The following DISP2 variants were observed in gnomAD, a reference collection of about 807,000 sequenced individuals.
DISP2 encodes protein dispatched homolog 2.
Under a neutral mutation model 95.5 loss-of-function variants are expected in DISP2, and 59 were observed. The ratio of observed to expected loss-of-function variants is 0.62; its 90% CI spans 0.50 to 0.77. The LOEUF (loss-of-function observed/expected upper bound fraction) is 0.77, where lower values mean the gene tolerates loss of function less well. DISP2 is among the 30% of genes least tolerant of loss of function. The probability of loss-of-function intolerance (pLI) is 0.00; values close to 1 mark genes in which losing one functional copy is unlikely to be tolerated. For synonymous variants in DISP2, 827 were observed against 815.0 expected (o/e 1.01, Z -0.25); for missense variants, 1,752 against 1,854.6 (o/e 0.94, Z 1.02).
intron 7 of DISP2, among the ~76,000 whole-genome samples, chr15:40,366,242 T>A (rs1311934052): frequency 6.6e-6 from 1 of 152,254 alleles, no homozygotes; most frequent in Non-Finnish European, 1.5e-5. Flanking sequence ...GTCAGATGTC[T>A]GAATTCAAGG....
Position 40,358,332 on chromosome 15 carries a change from A to ACAGCAG in DISP2, c.22_27dup (p.Ser8_Ser9dup), listed in dbSNP as rs770663891. ...GTGCCGCCCACGGGCATGGACGGTG[A>ACAGCAG]CAGCAGCAGCAGCAGCGGCGGCAGC... On this transcript the variant is annotated inframe_insertion, in exon 1 of 8. Transcript: ENST00000267889. 7 of 1,385,858 alleles carry ACAGCAG rather than the reference A, an allele frequency of 5.1e-6. No individual in the cohort carries two copies. The highest frequency in any genetic ancestry group is 1.5e-5 in the African/African-American group (1 of 66,730). 85.8% of individuals were successfully genotyped at this position (1,385,858 alleles called of 1,614,324 possible).
At position 40,376,023 on chromosome 15, in the gene DISP2, C is replaced by G. The variant is rs1472823900; in HGVS notation, c.*5705C>G. On this transcript the variant is annotated 3_prime_UTR_variant, in exon 8 of 8. Transcript: ENST00000267889. ...TGAGGAAGTCCTTGAAAGAGCAAAG[C>G]CTGGAGAGCTTCTTTGAGAAAGTTC... The G allele has an allele frequency of 1.3e-5, 2 of 152,142 alleles. No homozygotes were observed. Among genetic ancestry groups the G allele is most frequent in the African/African-American group, 4.8e-5 (2 of 41,426 alleles). 9.4% of individuals were successfully genotyped at this position (152,142 alleles called of 1,614,324 possible).
Position 40,364,251 on chromosome 15 carries a change from A to G in DISP2, c.475A>G (p.Lys159Glu). Residue 159 changes from lysine (K) to glutamate (E), a missense_variant, in exon 3 of 8, where the codon AAG (lysine) becomes GAG (glutamate). Transcript: ENST00000267889. The stretch of plus-strand genomic sequence containing the variant: ...GCAGGAACGAGCCTTCCAGATGCCA[A>G]AGAGGTAGGCCTGGGCCTTCCCTGG... ...VRQERAFQMP[K>E]SYSQLIAEWP... 2 of 1,614,154 alleles carry G rather than the reference A, an allele frequency of 1.2e-6. No homozygotes were observed. Among genetic ancestry groups the G allele is most frequent in the Non-Finnish European group, 1.7e-6 (2 of 1,180,026 alleles).
Position 40,374,014 on chromosome 15 carries a change from A to ATATATATATATATATAT in DISP2, c.*3696_*3697insTATATATATATATATAT, listed in dbSNP as rs1555400588. On this transcript the variant is annotated 3_prime_UTR_variant, in exon 8 of 8. Coordinates refer to ENST00000267889, the MANE Select transcript of DISP2 (RefSeq NM_033510.3). ...GCGAGACTCCATCTTAAAAAAAAAA[A>ATATATATATATATATAT]ATATATATATATATATATGTAAACT... 9.6e-6 allele frequency: 1 copy of ATATATATATATATATAT among 104,196 alleles called. No individual in the cohort carries two copies. The highest frequency in any genetic ancestry group is 4.2e-5 in the African/African-American group (1 of 23,942). 6.5% of individuals were successfully genotyped at this position (104,196 alleles called of 1,614,324 possible). A position where few individuals can be genotyped will look rare whatever the true frequency, so the allele number is the denominator to read the frequency against.
chr15:40,365,475 T>G (rs1238617080), intron 6 of DISP2, among the ~76,000 whole-genome samples, 153 bp from the exon 7 acceptor site: 1 of 152,018 alleles, frequency 6.6e-6, no homozygotes, highest in East Asian at 1.9e-4. Context: ...TGGGTTGGGG[T>G]GAGGCACAGG....
intron 7 of DISP2, 142 bp downstream of exon 7, chr15:40,365,867 C>G: frequency 1.2e-6 from 1 of 809,140 alleles, no homozygotes; most frequent in South Asian, 1.6e-5. Context: ...TATTCCAACC[C>G]TGCTGAGAGG....
Position 40,365,131 on chromosome 15 carries a change from A to G in DISP2, c.720-16A>G, listed in dbSNP as rs1186275271. 7 of 1,612,026 alleles carry G rather than the reference A, an allele frequency of 4.3e-6. No homozygotes were observed. The South Asian group carries it at 6.6e-5, about 15-fold the overall frequency. On this transcript the variant is annotated splice_polypyrimidine_tract_variant and intron_variant, in intron 5 of 7. Transcript: ENST00000267889. ...AACCCTAATGGTGCCTGGCATAGATATTCTCTCCACTTCAGCTCGAGCTCC... is the reference window on the plus strand; with the variant it reads ...AACCCTAATGGTGCCTGGCATAGATGTTCTCTCCACTTCAGCTCGAGCTCC...
Position 40,365,270 on chromosome 15 carries a change from C to G in DISP2, c.843C>G (p.Pro281=), listed in dbSNP as rs1242387951. Residue 281 remains proline, a synonymous_variant, in exon 6 of 8, where the codon CCC becomes CCG. Coordinates refer to ENST00000267889, the MANE Select transcript of DISP2 (RefSeq NM_033510.3). ...DRRQENFFCG[P]PEKSYAKLVF... ...GGCAAGAGAACTTCTTCTGTGGCCCCCCTGGTAAGCTGCAGCCTGGCCAGT... is the reference window on the plus strand; with the variant it reads ...GGCAAGAGAACTTCTTCTGTGGCCCGCCTGGTAAGCTGCAGCCTGGCCAGT... The G allele has an allele frequency of 6.2e-7, 1 of 1,613,534 alleles. No homozygotes were observed. Among genetic ancestry groups the G allele is most frequent in the Non-Finnish European group, 8.5e-7 (1 of 1,179,982 alleles).
rs1297886293 is a variant in DISP2 at position 40,369,010 on chromosome 15, G to A, written c.2898G>A (p.Val966=). ...ACAGCCTGAGCACTGAGCCTGCTGT[G>A]GTGCTGGGCCTGGCTTTGGCGCTGG... is the stretch of plus-strand genomic sequence containing the variant. ...LQHSLSTEPA[V]VLGLALALAF... is the part of the protein sequence containing the mutation. Residue 966 remains valine, a synonymous_variant, in exon 8 of 8, where the codon GTG becomes GTA. Transcript: ENST00000267889. 5 of 1,613,926 alleles carry A rather than the reference G, an allele frequency of 3.1e-6. 1 individual carries two copies. In the East Asian group the frequency reaches 1.1e-4, roughly 36 times the overall value.
rs1889456607 is a variant in DISP2 at position 40,364,238 on chromosome 15, C to T, written c.462C>T (p.Ala154=). Residue 154 remains alanine (A), a synonymous_variant, in exon 3 of 8, where the codon GCC becomes GCT. Transcript: ENST00000267889. ...HHVVSVRQER[A]FQMPKSYSQL... ...TTCTCTTCCACAGGCAGGAACGAGC[C>T]TTCCAGATGCCAAAGAGGTAGGCCT... 1.2e-6 allele frequency: 2 copies of T among 1,614,192 alleles called. No homozygotes were observed. Among genetic ancestry groups the T allele is most frequent in the Non-Finnish European group, 1.7e-6 (2 of 1,180,034 alleles).
rs1889755992 is a variant in DISP2 at position 40,378,179 on chromosome 15, G to A, written c.*7861G>A. On this transcript the variant is annotated 3_prime_UTR_variant, in exon 8 of 8. Transcript: ENST00000267889. Reference sequence around the variant, plus strand: ...AAAATCAGTTGAAACCACTACAGCTGACACCTATGTGAGAATTAGACAAGG... The same window carrying A: ...AAAATCAGTTGAAACCACTACAGCTAACACCTATGTGAGAATTAGACAAGG... 6.6e-6 allele frequency: 1 copy of A among 152,208 alleles called. No individual in the cohort carries two copies. Among genetic ancestry groups the A allele is most frequent in the Non-Finnish European group, 1.5e-5 (1 of 68,034 alleles). The allele number at this position is 152,208 out of a possible 1,614,324, so 9.4% of individuals were successfully genotyped here.
rs766908446 is a variant in DISP2, at chr15:40,368,294, C to T, written c.2182C>T (p.Arg728Trp). 6 of 1,605,622 alleles carry T rather than the reference C, an allele frequency of 3.7e-6. No homozygotes were observed. Among genetic ancestry groups the T allele is most frequent in the South Asian group, 1.1e-5 (1 of 90,762 alleles). Residue 728 changes from arginine (R) to tryptophan (W), a missense_variant, in exon 8 of 8, where the codon CGG becomes TGG. By Grantham distance (101) the Arg-to-Trp change is moderately radical (BLOSUM62 -3). Coordinates refer to ENST00000267889, the MANE Select transcript of DISP2 (RefSeq NM_033510.3). Reference protein sequence around the residue: ...AYIAGVSPRLRLPTLPPPGGQ... With the variant: ...AYIAGVSPRLWLPTLPPPGGQ... ...CATCGCCGGAGTCAGCCCCCGCCTG[C>T]GGCTGCCCACGCTGCCGCCGCCCGG...
At position 40,363,677 on chromosome 15, in the gene DISP2, C is replaced by A; in HGVS notation, c.172C>A (p.Leu58Ile). ...GGCAAGCCCAGAGAGAAGCTGCTCC[C>A]TCCACAGCTGCCCCCTGGAGGACCC... The part of the protein sequence containing the change: ...PEASPERSCS[L>I]HSCPLEDPSS... Residue 58 changes from leucine (L) to isoleucine (I), a missense_variant, in exon 2 of 8, where the codon CTC becomes ATC. This residue lies in a region of DISP2 where 342 missense variants were observed against 364.3 expected (regional missense o/e 0.94). Coordinates refer to ENST00000267889, the MANE Select transcript of DISP2 (RefSeq NM_033510.3). 6.3e-7 allele frequency: 1 copy of A among 1,593,992 alleles called. No homozygotes were observed. Among genetic ancestry groups the A allele is most frequent in the South Asian group, 1.1e-5 (1 of 87,742 alleles).
In DISP2 at chr15:40,374,351, C is replaced by G. The variant is rs1031036580; in HGVS notation, c.*4033C>G. 1.3e-5 allele frequency: 2 copies of G among 150,842 alleles called. No homozygotes were observed. Among genetic ancestry groups the G allele is most frequent in the African/African-American group, 4.9e-5 (2 of 41,076 alleles). 9.3% of individuals were successfully genotyped at this position (150,842 alleles called of 1,614,324 possible). A position where few individuals can be genotyped will look rare whatever the true frequency, so the allele number is the denominator to read the frequency against. On this transcript the variant is annotated 3_prime_UTR_variant, in exon 8 of 8. Transcript: ENST00000267889. ...TTTTTAGTGTTAGCCAGGATGGTCT[C>G]GATCTCCTGACCTCATGATCCGCCT...
At position 40,367,395 on chromosome 15, in the gene DISP2, A is replaced by G. The variant is rs1889516666; in HGVS notation, c.1283A>G (p.Tyr428Cys). ...TTTCTGAGTCCCCAGACCACTGACT[A>G]CCAGGTGCCTTCCCTCAAGTACAGC... ...RDFLSPQTTD[Y>C]QVPSLKYSLL... The change falls in exon 8 of 8, where the codon TAC becomes TGC. Residue 428 changes from tyrosine to cysteine, a missense_variant. Physicochemically the swap from Tyr to Cys is radical, Grantham distance 194. Coordinates refer to ENST00000267889, the MANE Select transcript of DISP2 (RefSeq NM_033510.3). 3 of 1,613,394 alleles carry G rather than the reference A, an allele frequency of 1.9e-6. No individual in the cohort carries two copies. Among genetic ancestry groups the G allele is most frequent in the Non-Finnish European group, 2.5e-6 (3 of 1,179,896 alleles).
At chr15:40,366,951 C>T (rs1383333690) in intron 7 of DISP2, 107 bp from the exon 8 acceptor site, 8 of 1,420,350 alleles carry the variant, frequency 5.6e-6, no homozygotes, top group African/African-American at 2.9e-5. Context: ...TCCCTCTCTG[C>T]GCTTGCCCTG....
rs1272061555 is a variant in DISP2, at chr15:40,358,418, C to A, written c.97C>A (p.Pro33Thr). 1 of 1,333,644 alleles carries A rather than the reference C, an allele frequency of 7.5e-7. No homozygotes were observed. The highest frequency in any genetic ancestry group is 9.6e-7 in the Non-Finnish European group (1 of 1,043,224). 82.6% of individuals were successfully genotyped at this position (1,333,644 alleles called of 1,614,324 possible). ...EQRPEGEPLA[P>T]DGGSPDSTQT... Reference sequence around the variant, plus strand: ...ACGGCCCGAGGGGGAGCCCTTGGCCCCAGACGGCGGCTCCCCGGACAGGTA... The same window carrying A: ...ACGGCCCGAGGGGGAGCCCTTGGCCACAGACGGCGGCTCCCCGGACAGGTA... The change falls in exon 1 of 8, where the codon CCA becomes ACA. Residue 33 changes from proline (P) to threonine (T), a missense_variant. Pro to Thr is a conservative substitution (Grantham distance 38). This residue lies in a region of DISP2 where 342 missense variants were observed against 364.3 expected (regional missense o/e 0.94). Coordinates refer to ENST00000267889, the MANE Select transcript of DISP2 (RefSeq NM_033510.3).
At chr15:40,361,242 G>T (rs1034581100) in intron 1 of DISP2, among the ~76,000 whole-genome samples, 3 of 152,232 alleles carry the variant, frequency 2.0e-5, no homozygotes, top group Non-Finnish European at 4.4e-5. Flanking sequence ...AAGAAGGAAA[G>T]TATTTATATA....
rs1346741840 is a variant in DISP2, at chr15:40,374,800, G to A, written c.*4482G>A. On this transcript the variant is annotated 3_prime_UTR_variant, in exon 8 of 8. Transcript: ENST00000267889. ...AATTTTTTGTATTTTTAGTAAAGAC[G>A]GGGTTTCATTGTGTTAGCCAGGATG... The A allele has an allele frequency of 6.6e-6, 1 of 151,842 alleles. No individual in the cohort carries two copies. Among genetic ancestry groups the A allele is most frequent in the East Asian group, 2.0e-4 (1 of 5,120 alleles). The allele number at this position is 151,842 out of a possible 1,614,324, so 9.4% of individuals were successfully genotyped here.
Sources: gnomAD v4.1 joint callset for allele counts (sites outside exome capture counted in the v4.1 genomes callset) on GRCh38, gnomAD v4.1.1 for gene constraint, gnomAD v4.1.1 regional missense constraint, MANE v1.5 for transcripts, NCBI Gene and HGNC (gene_info 2026-07-23, HGNC 2026-07-21) for gene names.